GRIK2: variants seen among roughly 807,000 people sequenced by gnomAD.
GRIK2 encodes glutamate receptor ionotropic, kainate 2.
GRIK2 carries 32 observed loss-of-function variants against 100.3 expected under a neutral mutation model. That is an observed-to-expected ratio of 0.32 (90% CI 0.24 to 0.43). The LOEUF (loss-of-function observed/expected upper bound fraction) is 0.43. Among genes scored for constraint, GRIK2 ranks in the 20% least tolerant of loss-of-function variants. GRIK2 has a pLI of 1.00. For missense variants in GRIK2, 843 were observed against 1,114.9 expected (o/e 0.76, Z 3.47); for synonymous variants, 417 against 389.4 (o/e 1.07, Z -0.83).
chr6:101,942,083 C>G (rs1181501987), intron 14 of GRIK2, among the ~76,000 whole-genome samples: 2 of 151,786 alleles, frequency 1.3e-5, no homozygotes, highest in African/African-American at 4.8e-5. Context: ...GATGGATGCT[C>G]TAGCTATGTT....
chr6:101,393,848 C>G lies in GRIK2; in HGVS notation c.-294+11C>G, dbSNP rs1347948972. Among the ~76,000 whole-genome samples, 1 of 151,782 alleles carries G rather than the reference C, an allele frequency of 6.6e-6. No individual in the cohort carries two copies. The highest frequency in any genetic ancestry group is 1.5e-5 in the Non-Finnish European group (1 of 67,922). On this transcript the variant is annotated intron_variant, in intron 1 of 16. Coordinates refer to ENST00000369134, the MANE Select transcript of GRIK2 (RefSeq NM_021956.5). The stretch of plus-strand genomic sequence containing the variant: ...CACCCCTAGCTCCAGGTAAGGACTC[C>G]CCGGCTGTGGGCTGCACTCCGGGCT...
chr6:101,657,863 G>T (rs990705892), intron 4 of GRIK2, among the ~76,000 whole-genome samples: 6 of 151,798 alleles, frequency 4.0e-5, no homozygotes, highest in Admixed American at 6.6e-5. Flanking sequence ...TACATGGTAG[G>T]GCATCAGTCA....
At chr6:101,686,124 C>T in intron 6 of GRIK2, 56 bp from the exon 7 acceptor site, 1 of 1,428,318 alleles carries the variant, frequency 7.0e-7, no homozygotes, top group Non-Finnish European at 9.7e-7. Context: ...TTCAGTAATA[C>T]ATGCCTGTGA....
At chr6:102,023,813 A>G (rs1159079683) in intron 14 of GRIK2, among the ~76,000 whole-genome samples, 2 of 151,522 alleles carry the variant, frequency 1.3e-5, no homozygotes, top group Non-Finnish European at 3.0e-5. Flanking sequence ...TTCAAAGGAA[A>G]GAGAGAGTTT....
Position 101,482,079 on chromosome 6 carries a change from G to A in GRIK2, c.115+82687G>A, listed in dbSNP as rs1025172171. On this transcript the variant is annotated intron_variant, in intron 2 of 16. Transcript: ENST00000369134. ...AACCTCTTTCCTTTTTAAATTAGCC[G>A]GTTTCTTTATAGCGGTGTGAAAATG... Among the ~76,000 whole-genome samples, 24 of 152,062 alleles carry A rather than the reference G, an allele frequency of 1.6e-4. No homozygotes were observed. The South Asian group carries it at 1.9e-3, about 12-fold the overall frequency.
chr6:101,872,891 G>A (rs1184688546), intron 11 of GRIK2, among the ~76,000 whole-genome samples: 2 of 151,812 alleles, frequency 1.3e-5, no homozygotes, highest in South Asian at 2.1e-4. Flanking sequence ...TGATTTATGA[G>A]CCGAGCTTTA....
intron 2 of GRIK2, among the ~76,000 whole-genome samples, chr6:101,528,654 G>A (rs947271608): frequency 5.3e-5 from 8 of 152,066 alleles, no homozygotes; most frequent in East Asian, 3.9e-4. Context: ...CGGGCAAGCC[G>A]GCTTATATCA....
At chr6:101,792,089 G>A (rs1471119632) in intron 7 of GRIK2, among the ~76,000 whole-genome samples, 1 of 151,500 alleles carries the variant, frequency 6.6e-6, no homozygotes, top group Non-Finnish European at 1.5e-5. Flanking sequence ...TTTATTTTGA[G>A]CCTATGTGTG....
At chr6:102,034,860 G>A (rs568937157) in intron 14 of GRIK2, among the ~76,000 whole-genome samples, 14 of 151,314 alleles carry the variant, frequency 9.3e-5, no homozygotes, top group Non-Finnish European at 1.6e-4. Context: ...GGGGGTTAAT[G>A]TAGCATCTGT....
At chr6:101,482,273 C>T (rs180672665) in intron 2 of GRIK2, among the ~76,000 whole-genome samples, 11 of 152,268 alleles carry the variant, frequency 7.2e-5, no homozygotes, top group Admixed American at 7.2e-4. Flanking sequence ...ATGCTTAGCA[C>T]TGGAAACGTA....
intron 7 of GRIK2, among the ~76,000 whole-genome samples, chr6:101,733,851 AC>A (rs1775456311): frequency 6.6e-6 from 1 of 151,874 alleles, no homozygotes; most frequent in South Asian, 2.1e-4. Context: ...TCCACAAGAC[AC>A]TAAAACATAG....
intron 7 of GRIK2, among the ~76,000 whole-genome samples, chr6:101,778,000 C>G (rs1375209643): frequency 1.3e-5 from 2 of 152,094 alleles, no homozygotes; most frequent in Non-Finnish European, 2.9e-5. Flanking sequence ...TCCCAAATAC[C>G]TATTTCTTTT....
chr6:101,871,022 T>C (rs1030138548), intron 11 of GRIK2, among the ~76,000 whole-genome samples: 1 of 151,896 alleles, frequency 6.6e-6, no homozygotes, highest in Non-Finnish European at 1.5e-5. Flanking sequence ...ATTGGCGTAC[T>C]TCAAATGAGA....
At chr6:101,618,187 T>A (rs1481406663) in intron 2 of GRIK2, among the ~76,000 whole-genome samples, 1 of 151,734 alleles carries the variant, frequency 6.6e-6, no homozygotes, top group African/African-American at 2.4e-5. Context: ...ATTGAAATAA[T>A]TTCTATATAA....
chr6:101,803,326 G>C (rs1053969352), intron 9 of GRIK2, among the ~76,000 whole-genome samples: 30 of 151,760 alleles, frequency 2.0e-4, no homozygotes, highest in Admixed American at 8.6e-4. Context: ...ATATTTGAAT[G>C]CTGATTCAAA....
chr6:101,706,097 T>C (rs771109707), intron 7 of GRIK2, among the ~76,000 whole-genome samples: 2 of 151,908 alleles, frequency 1.3e-5, no homozygotes, highest in Non-Finnish European at 2.9e-5. Context: ...GGCTTTGATT[T>C]TTGTTATTAG....
chr6:101,661,985 T>C (rs376586738), intron 4 of GRIK2, among the ~76,000 whole-genome samples: 2 of 152,174 alleles, frequency 1.3e-5, no homozygotes, highest in Non-Finnish European at 2.9e-5. Flanking sequence ...TCTTCAGTGA[T>C]TTCACAGTGG....
intron 2 of GRIK2, among the ~76,000 whole-genome samples, chr6:101,445,871 G>A (rs1157351050): frequency 6.6e-6 from 1 of 151,984 alleles, no homozygotes; most frequent in African/African-American, 2.4e-5. Context: ...TACTTGCCTT[G>A]TTTACACTAA....
At chr6:101,741,116 G>A (rs1775999690) in intron 7 of GRIK2, among the ~76,000 whole-genome samples, 1 of 152,190 alleles carries the variant, frequency 6.6e-6, no homozygotes, top group African/African-American at 2.4e-5. Context: ...AAGCATGCAA[G>A]TATGCAACTA....
Sources: gnomAD v4.1 joint callset for allele counts (sites outside exome capture counted in the v4.1 genomes callset) on GRCh38, gnomAD v4.1.1 for gene constraint, MANE v1.5 for transcripts, NCBI Gene and HGNC (gene_info 2026-07-23, HGNC 2026-07-21) for gene names.